UAP1: variants seen among roughly 807,000 people sequenced by gnomAD.
UAP1 encodes the protein UDP-N-acetylhexosamine pyrophosphorylase.
In UAP1, 25 loss-of-function variants were observed where a neutral mutation model predicts 58.5. That is an observed-to-expected ratio of 0.43 (90% CI 0.31 to 0.60). UAP1 has a LOEUF of 0.60. Ranked by LOEUF, UAP1 falls within the 20% of genes least tolerant of loss-of-function variation. The pLI is 0.11. For synonymous variants in UAP1, 208 were observed against 213.0 expected (o/e 0.98, Z 0.21); for missense variants, 575 against 630.0 (o/e 0.91, Z 0.93).
intron 1 of UAP1, among the ~76,000 whole-genome samples, chr1:162,561,999 C>T (rs995613165): frequency 2.6e-5 from 4 of 152,232 alleles, no homozygotes; most frequent in African/African-American, 4.8e-5. Context: ...CCTCCGCCAC[C>T]CCGCGAGAGG....
chr1:162,591,277 A>C (rs1325601293), intron 8 of UAP1, among the ~76,000 whole-genome samples: 1 of 151,658 alleles, frequency 6.6e-6, no homozygotes, highest in Non-Finnish European at 1.5e-5. Context: ...TAGCTCCACC[A>C]CCCCCAGGCT....
chr1:162,569,456 G>C (rs1379684794), intron 2 of UAP1, among the ~76,000 whole-genome samples: 1 of 152,204 alleles, frequency 6.6e-6, no homozygotes, highest in Admixed American at 6.5e-5. Flanking sequence ...TTTCTGGGCA[G>C]TTGTAGAAAA....
intron 2 of UAP1, among the ~76,000 whole-genome samples, chr1:162,571,092 CTTTT>C (rs201314469): frequency 8.0e-6 from 1 of 124,466 alleles, no homozygotes; most frequent in Non-Finnish European, 1.8e-5. Context: ...GTCTGGCTTT[CTTTT>C]TTTTTTTTTT....
intron 7 of UAP1, among the ~76,000 whole-genome samples, chr1:162,589,247 TTATATATAAATATATATTTATTTATAA>T (rs1189168491): frequency 8.0e-6 from 1 of 125,274 alleles, no homozygotes; most frequent in Non-Finnish European, 1.6e-5. Context: ...AAATTTATAG[TTATATATAAATATATATTTATTTATAA>T]TATATATAAA....
At chr1:162,566,467 C>A in intron 2 of UAP1, 119 bp downstream of exon 2, 2 of 1,015,740 alleles carry the variant, frequency 2.0e-6, no homozygotes, top group Non-Finnish European at 2.8e-6. Flanking sequence ...GGTGACCTAG[C>A]AGAAAGTGAC....
intron 9 of UAP1, 44 bp from the exon 10 acceptor site, chr1:162,597,748 C>T (rs761782557): frequency 2.6e-6 from 4 of 1,546,830 alleles, no homozygotes; most frequent in Middle Eastern, 1.7e-4. Context: ...TGGCAAGTAA[C>T]ATGGGAAGCA....
At chr1:162,595,914 C>T (rs919878228) in intron 9 of UAP1, among the ~76,000 whole-genome samples, 2 of 152,058 alleles carry the variant, frequency 1.3e-5, no homozygotes, top group South Asian at 2.1e-4. Flanking sequence ...TGCAGTGGAG[C>T]GATCTCAGCT....
chr1:162,581,257 AT>A, intron 4 of UAP1, 29 bp from the exon 5 acceptor site: 1 of 1,576,512 alleles, frequency 6.3e-7, no homozygotes, highest in Non-Finnish European at 8.6e-7. Flanking sequence ...GGATTTTGAT[AT>A]GCTACTAATG....
At chr1:162,600,331 TTTGTTA>T (rs1341991538), downstream of UAP1, among the ~76,000 whole-genome samples, 3 of 152,200 alleles carry the variant, frequency 2.0e-5, no homozygotes, top group African/African-American at 7.2e-5. Context: ...ATTCCAGTTT[TTTGTTA>T]TTGTTGTTGT....
In UAP1 at chr1:162,597,849, T is replaced by G; in HGVS notation, c.1467T>G (p.Tyr489Ter). ...GTGAAATCTCTCCTCTTATCTCCTA[T>G]GCTGGAGAAGTAAGTCTGCTTTACT... The change falls in exon 10 of 11, where the codon TAT becomes TAG. Residue 489 changes from tyrosine to a stop codon, truncating the protein, a stop_gained. Coordinates refer to ENST00000271469, the Ensembl canonical transcript of UAP1. LOFTEE classifies it high-confidence loss of function. 1 of 1,611,992 alleles carries G rather than the reference T, an allele frequency of 6.2e-7. No homozygotes were observed. The highest frequency in any genetic ancestry group is 8.5e-7 in the Non-Finnish European group (1 of 1,178,802).
intron 5 of UAP1, among the ~76,000 whole-genome samples, chr1:162,582,242 T>G (rs1204393343): frequency 6.6e-6 from 1 of 152,174 alleles, no homozygotes; most frequent in East Asian, 1.9e-4. Flanking sequence ...TCAGTGAGAC[T>G]ATTTTGGGGA....
chr1:162,587,037 G>A (rs1480488193), intron 5 of UAP1, among the ~76,000 whole-genome samples: 1 of 152,150 alleles, frequency 6.6e-6, no homozygotes, highest in Non-Finnish European at 1.5e-5. Flanking sequence ...TAGAAAATGA[G>A]AGACAAAATG....
rs372166553 is a variant in UAP1 at position 162,585,734 on chromosome 1, G to T, written c.835-1741G>T. Among the ~76,000 whole-genome samples the T allele has an allele frequency of 1.4e-4, 22 of 151,950 alleles. No individual in the cohort carries two copies. In the South Asian group the frequency reaches 4.4e-3, roughly 30 times the overall value. ...ATGTATATTTTTATTTTTATGGCTGGTTGGGAGTAGGAGTATATAGTGGTG... is the reference window on the plus strand; with the variant it reads ...ATGTATATTTTTATTTTTATGGCTGTTTGGGAGTAGGAGTATATAGTGGTG... On this transcript the variant is annotated intron_variant, in intron 5 of 10. Transcript: ENST00000271469.
At chr1:162,598,555 A>G (rs893213710) in intron 10 of UAP1, among the ~76,000 whole-genome samples, 1 of 152,176 alleles carries the variant, frequency 6.6e-6, no homozygotes, top group Non-Finnish European at 1.5e-5. Context: ...TTTAAATGCA[A>G]TGTAAGTTTT....
chr1:162,599,289 G>T (rs751834614), exon 11 of UAP1: 3 of 1,611,710 alleles, frequency 1.9e-6, no homozygotes, highest in Non-Finnish European at 2.5e-6. Flanking sequence ...AAGTTATGTG[G>T]CAGATAAAGA....
intron 9 of UAP1, among the ~76,000 whole-genome samples, chr1:162,595,596 T>C (rs1655574275): frequency 6.6e-6 from 1 of 152,158 alleles, no homozygotes; most frequent in Admixed American, 6.5e-5. Flanking sequence ...ATAGTGTTAT[T>C]TGTTCAGACA....
chr1:162,577,132 A>G, intron 3 of UAP1, 151 bp downstream of exon 3: 2 of 805,956 alleles, frequency 2.5e-6, no homozygotes, highest in East Asian at 2.7e-5. Flanking sequence ...TAAAAGTGCT[A>G]TATATTATTG....
chr1:162,583,287 G>C (rs1197886085), intron 5 of UAP1, among the ~76,000 whole-genome samples: 1 of 151,346 alleles, frequency 6.6e-6, no homozygotes, highest in Non-Finnish European at 1.5e-5. Flanking sequence ...TGAGTAGCTG[G>C]GATTATAGGC....
intron 2 of UAP1, among the ~76,000 whole-genome samples, chr1:162,568,056 T>TAGAA (rs951281517): frequency 6.6e-6 from 1 of 152,218 alleles, no homozygotes; most frequent in African/African-American, 2.4e-5. Context: ...CCTGGGCTTC[T>TAGAA]CCAAGTACTG....
Sources: allele counts gnomAD v4.1 joint callset (sites outside exome capture counted in the v4.1 genomes callset), GRCh38; gene constraint gnomAD v4.1.1; transcripts MANE v1.5; gene names NCBI Gene and HGNC (gene_info 2026-07-23, HGNC 2026-07-21).